Variants in FSTL4 observed in about 807,000 individuals in gnomAD.
FSTL4 encodes the protein follistatin-related protein 4.
In FSTL4, 28 loss-of-function variants were observed where a neutral mutation model predicts 78.2. The observed-to-expected ratio is 0.36, with a 90% confidence interval of 0.27 to 0.49. The LOEUF (loss-of-function observed/expected upper bound fraction) is 0.49. Ranked by LOEUF, FSTL4 falls within the 20% of genes least tolerant of loss-of-function variation. The pLI is 0.98. For missense variants in FSTL4, 922 were observed against 1,084.9 expected, an observed-to-expected ratio of 0.85 and a Z score of 2.11; for synonymous variants, 422 against 440.5, an observed-to-expected ratio of 0.96 and a Z score of 0.53.
intron 2 of FSTL4, among the ~76,000 whole-genome samples, chr5:133,576,911 T>A (rs1267389222): frequency 1.3e-5 from 2 of 152,218 alleles, no homozygotes; most frequent in East Asian, 3.8e-4. Flanking sequence ...TTTTAAAAAC[T>A]TGACTCTAAG....
chr5:133,433,279 T>G (rs920937063), intron 3 of FSTL4, among the ~76,000 whole-genome samples: 2 of 152,178 alleles, frequency 1.3e-5, no homozygotes. Flanking sequence ...TGCAAATCCA[T>G]TCCACCTGCC....
intron 15 of FSTL4, among the ~76,000 whole-genome samples, chr5:133,200,449 C>T (rs188742019): frequency 4.6e-5 from 7 of 152,352 alleles, no homozygotes; most frequent in South Asian, 2.1e-4. Context: ...GGCCTGGTGC[C>T]GGCACACTGC....
chr5:133,408,889 G>T (rs1756425693), intron 3 of FSTL4, among the ~76,000 whole-genome samples: 1 of 152,206 alleles, frequency 6.6e-6, no homozygotes, highest in Non-Finnish European at 1.5e-5. Context: ...TTGGTGAAAG[G>T]TTGAATAAAT....
chr5:133,535,717 C>G (rs1759339130), intron 3 of FSTL4, among the ~76,000 whole-genome samples: 1 of 152,160 alleles, frequency 6.6e-6, no homozygotes, highest in South Asian at 2.1e-4. Flanking sequence ...CCCGACCGAG[C>G]TGTTCTCGGC....
the FSTL4 span, among the ~76,000 whole-genome samples, chr5:133,827,145 C>T: frequency 2.0e-5 from 3 of 152,226 alleles, no homozygotes; most frequent in Non-Finnish European, 2.9e-5. Flanking sequence ...GCATCATCCT[C>T]GGCTCTGGGA....
At chr5:133,464,171 C>T (rs1209999517) in intron 3 of FSTL4, among the ~76,000 whole-genome samples, 1 of 152,264 alleles carries the variant, frequency 6.6e-6, no homozygotes, top group African/African-American at 2.4e-5. Flanking sequence ...GTGTTGGGGC[C>T]GCCCCTCCCC....
At chr5:133,311,384 CA>C (rs1753780483) in intron 6 of FSTL4, among the ~76,000 whole-genome samples, 1 of 152,086 alleles carries the variant, frequency 6.6e-6, no homozygotes, top group Non-Finnish European at 1.5e-5. Flanking sequence ...GTAAATCAAG[CA>C]AAGCTCTGGA....
the FSTL4 span, among the ~76,000 whole-genome samples, chr5:133,648,156 G>T: frequency 6.6e-6 from 1 of 152,144 alleles, no homozygotes; most frequent in Non-Finnish European, 1.5e-5. Flanking sequence ...TTTTTCAGCA[G>T]CATGGAAATG....
chr5:133,787,245 TTAATTGGG>T, the FSTL4 span, among the ~76,000 whole-genome samples: 3 of 152,180 alleles, frequency 2.0e-5, no homozygotes, highest in Non-Finnish European at 2.9e-5. Context: ...GAACTCAAAT[TTAATTGGG>T]TAGCCTCTAT....
At chr5:133,564,798 C>T (rs1759992099) in intron 3 of FSTL4, among the ~76,000 whole-genome samples, 1 of 152,162 alleles carries the variant, frequency 6.6e-6, no homozygotes, top group South Asian at 2.1e-4. Flanking sequence ...GGGCAGAGGA[C>T]AGGTTTAAGG....
At chr5:133,750,475 C>CTTT in the FSTL4 span, among the ~76,000 whole-genome samples, 21 of 152,230 alleles carry the variant, frequency 1.4e-4, no homozygotes, top group East Asian at 2.7e-3. Flanking sequence ...CCAGGCCCCC[C>CTTT]AGGGTGTGGC....
chr5:133,581,649 C>T (rs1459702864), intron 2 of FSTL4, among the ~76,000 whole-genome samples: 2 of 152,216 alleles, frequency 1.3e-5, no homozygotes, highest in Non-Finnish European at 2.9e-5. Flanking sequence ...CAGAAGTGGG[C>T]ATTTTGCCCA....
At chr5:133,492,734 G>T (rs10079451) in intron 3 of FSTL4, among the ~76,000 whole-genome samples, 82 of 152,136 alleles carry the variant, frequency 5.4e-4, no homozygotes, top group Non-Finnish European at 8.5e-4. Context: ...TTTGGAAAAG[G>T]TCTAGCTATT....
chr5:133,814,865 A>T, the FSTL4 span, among the ~76,000 whole-genome samples: 2 of 152,184 alleles, frequency 1.3e-5, no homozygotes, highest in Non-Finnish European at 2.9e-5. Flanking sequence ...GAAGTTCTAA[A>T]CTGTGCCCTA....
chr5:133,734,247 A>G, the FSTL4 span, among the ~76,000 whole-genome samples: 1 of 152,196 alleles, frequency 6.6e-6, no homozygotes, highest in Non-Finnish European at 1.5e-5. Context: ...TTGGATCACA[A>G]CTAAGACAAA....
intron 3 of FSTL4, among the ~76,000 whole-genome samples, chr5:133,421,593 C>A (rs7445416): frequency 0.18 from 26,687 of 152,218 alleles, 2,370 homozygotes; most frequent in Non-Finnish European, 0.2. Context: ...GTAACACTAG[C>A]AAGCTGGTCC....
chr5:133,733,144 C>A, the FSTL4 span, among the ~76,000 whole-genome samples: 1 of 152,174 alleles, frequency 6.6e-6, no homozygotes, highest in Admixed American at 6.5e-5. Context: ...TATCTCTGAA[C>A]TTTTGTACAT....
the FSTL4 span, among the ~76,000 whole-genome samples, chr5:133,769,766 A>C: frequency 6.6e-6 from 1 of 152,208 alleles, no homozygotes; most frequent in African/African-American, 2.4e-5. Flanking sequence ...TATATTGCAT[A>C]GTGGTGACAC....
the FSTL4 span, among the ~76,000 whole-genome samples, chr5:133,716,841 AT>A: frequency 6.6e-6 from 1 of 152,246 alleles, no homozygotes; most frequent in Non-Finnish European, 1.5e-5. Flanking sequence ...AACAAATTCC[AT>A]TTTTAGAAAA....
Sources: gnomAD v4.1 joint callset for allele counts (sites outside exome capture counted in the v4.1 genomes callset) on GRCh38, gnomAD v4.1.1 for gene constraint, MANE v1.5 for transcripts, NCBI Gene and HGNC (gene_info 2026-07-23, HGNC 2026-07-21) for gene names.